PCDHA3: variants seen among roughly 807,000 people sequenced by gnomAD.
The protein encoded by PCDHA3 is protocadherin alpha-3.
A neutral mutation model predicts 62.2 loss-of-function variants in PCDHA3; 41 were observed. The ratio of observed to expected loss-of-function variants is 0.66; its 90% confidence interval spans 0.51 to 0.86. PCDHA3 has a LOEUF of 0.86. Among genes scored for constraint, PCDHA3 ranks in the 40% least tolerant of loss-of-function variants. The pLI, the probability that PCDHA3 is intolerant of heterozygous loss-of-function variation, is 0.00. For missense variants in PCDHA3, 1,304 were observed against 1,241.2 expected (o/e 1.05, Z -0.76); for synonymous variants, 640 against 555.4 (o/e 1.15, Z -2.14).
chr5:140,884,386 G>T (rs372595984), intron 1 of PCDHA3: 2 of 1,613,986 alleles, frequency 1.2e-6, no homozygotes, highest in African/African-American at 2.7e-5. Flanking sequence ...CCATCTGCGC[G>T]GTGTCCAGCC....
intron 2 of PCDHA3, among the ~76,000 whole-genome samples, chr5:140,979,303 C>A (rs1048294748): frequency 6.6e-6 from 1 of 152,148 alleles, no homozygotes; most frequent in Non-Finnish European, 1.5e-5. Context: ...CTCCTTCATC[C>A]CTCTCTACCT....
chr5:140,803,340 C>T lies in PCDHA3; in HGVS notation c.2143C>T (p.Leu715=), dbSNP rs1485778021. 1 of 1,614,216 alleles carries T rather than the reference C, an allele frequency of 6.2e-7. No individual in the cohort carries two copies. The highest frequency in any genetic ancestry group is 8.5e-7 in the Non-Finnish European group (1 of 1,180,016). The part of the protein sequence containing the change: ...CAVSSLLVLT[L]LLYTALRCSA... ...GGTGTCCAGTCTGTTGGTGCTCACA[C>T]TGCTGCTATATACTGCTCTGCGGTG... Residue 715 remains leucine, a synonymous_variant, in exon 1 of 4, where the codon CTG becomes TTG. Coordinates refer to ENST00000522353, the MANE Select transcript of PCDHA3 (RefSeq NM_018906.3).
At chr5:140,950,751 T>G (rs1051693960) in intron 1 of PCDHA3, among the ~76,000 whole-genome samples, 3 of 152,154 alleles carry the variant, frequency 2.0e-5, no homozygotes, top group African/African-American at 7.2e-5. Flanking sequence ...CTCTCTATCC[T>G]TTCTGGACTC....
intron 1 of PCDHA3, among the ~76,000 whole-genome samples, chr5:140,972,660 ATT>A (rs11350929): frequency 0.036 from 4,256 of 117,216 alleles, 192 homozygotes; most frequent in African/African-American, 0.13. Context: ...AAGAAACCAA[ATT>A]TTTTTTTTTT....
rs782577579 is a variant in PCDHA3, at chr5:140,978,981, T to G, written c.2427T>G (p.Ser809=). The G allele has an allele frequency of 1.4e-5, 22 of 1,614,096 alleles. No individual in the cohort carries two copies. Among genetic ancestry groups the G allele is most frequent in the Non-Finnish European group, 1.8e-5 (21 of 1,180,040 alleles). The change falls in exon 2 of 4, where the codon TCT becomes TCG. Residue 809 remains serine (S), a synonymous_variant. Transcript: ENST00000522353. ...PRQPNPDWRY[S]ASLRAGMHSS... ...AGCCCAACCCTGACTGGCGTTACTC[T>G]GCCTCCCTGAGAGCAGGCATGCACA... is the stretch of plus-strand genomic sequence containing the variant.
chr5:140,984,516 TCA>T (rs1422083367), intron 3 of PCDHA3, among the ~76,000 whole-genome samples: 2 of 152,130 alleles, frequency 1.3e-5, no homozygotes, highest in Non-Finnish European at 2.9e-5. Context: ...GATGCATGAG[TCA>T]CAGTCTTCAT....
intron 1 of PCDHA3, chr5:140,926,987 G>T: frequency 6.2e-7 from 1 of 1,610,996 alleles, no homozygotes; most frequent in African/African-American, 1.3e-5. Context: ...GAGACGGAGC[G>T]GGGCGTAGCC....
chr5:140,827,936 C>G, intron 1 of PCDHA3: 1 of 1,115,138 alleles, frequency 9.0e-7, no homozygotes, highest in Non-Finnish European at 1.3e-6. Context: ...GAAGTTATAG[C>G]TAGCCAACAT....
chr5:140,968,267 A>G, intron 1 of PCDHA3: 1 of 1,613,984 alleles, frequency 6.2e-7, no homozygotes, highest in Non-Finnish European at 8.5e-7. Flanking sequence ...TGAAAAGGAG[A>G]ATGCAGAGGT....
At chr5:140,967,422 A>C in intron 1 of PCDHA3, 6 of 1,613,338 alleles carry the variant, frequency 3.7e-6, no homozygotes, top group East Asian at 2.2e-5. Flanking sequence ...GACCGGGAGC[A>C]GGCAGCCTTG....
chr5:140,861,197 T>C (rs1203877900), intron 1 of PCDHA3: 1 of 162,270 alleles, frequency 6.2e-6, no homozygotes, highest in Non-Finnish European at 1.3e-5. Context: ...CATGAAATAT[T>C]GTTTTACTAA....
chr5:140,876,408 G>T, intron 1 of PCDHA3: 1 of 1,613,942 alleles, frequency 6.2e-7, no homozygotes, highest in Non-Finnish European at 8.5e-7. Flanking sequence ...ATTTTGAAGA[G>T]AATAATGCCT....
intron 1 of PCDHA3, chr5:140,824,454 A>C (rs1268614425): frequency 3.2e-5 from 14 of 439,740 alleles, no homozygotes; most frequent in Non-Finnish European, 5.2e-5. Context: ...ACTACATGAA[A>C]ATTTATTTTA....
At chr5:140,956,565 A>G (rs190736286) in intron 1 of PCDHA3, among the ~76,000 whole-genome samples, 2 of 152,284 alleles carry the variant, frequency 1.3e-5, no homozygotes, top group Non-Finnish European at 2.9e-5. Flanking sequence ...TATCTTATTG[A>G]GGATTTTTGC....
At chr5:140,831,351 C>T (rs1307103488) in intron 1 of PCDHA3, 1 of 129,732 alleles carries the variant, frequency 7.7e-6, no homozygotes, top group African/African-American at 3.0e-5. Flanking sequence ...TTAAACTATT[C>T]ACTATTTTGT....
intron 3 of PCDHA3, among the ~76,000 whole-genome samples, chr5:140,985,903 C>G (rs1554247500): frequency 6.6e-6 from 1 of 151,964 alleles, no homozygotes; most frequent in Non-Finnish European, 1.5e-5. Context: ...CCACTCCCGT[C>G]TAATTTTTTG....
At chr5:140,878,575 C>T (rs1339417321) in intron 1 of PCDHA3, among the ~76,000 whole-genome samples, 1 of 152,222 alleles carries the variant, frequency 6.6e-6, no homozygotes, top group African/African-American at 2.4e-5. Context: ...TAGTATACCA[C>T]TGCCCTGTGC....
At chr5:140,891,246 A>AT (rs1213637493) in intron 1 of PCDHA3, among the ~76,000 whole-genome samples, 11 of 151,766 alleles carry the variant, frequency 7.2e-5, no homozygotes, top group South Asian at 2.1e-4. Context: ...ATTCAGTAGG[A>AT]TTTTTTTTAA....
At chr5:140,902,203 C>CTTTTTT (rs148688132) in intron 1 of PCDHA3, among the ~76,000 whole-genome samples, 15 of 124,432 alleles carry the variant, frequency 1.2e-4, no homozygotes, top group Non-Finnish European at 2.0e-4. Flanking sequence ...CTCTCTCTTT[C>CTTTTTT]TTTTTTTTTT....
Sources: gnomAD v4.1 joint callset for allele counts (sites outside exome capture counted in the v4.1 genomes callset) on GRCh38, gnomAD v4.1.1 for gene constraint, MANE v1.5 for transcripts, NCBI Gene and HGNC (gene_info 2026-07-23, HGNC 2026-07-21) for gene names.